DDX6: variants seen among roughly 807,000 people sequenced by gnomAD.
DDX6 encodes DEAD-box helicase 6.
A neutral mutation model predicts 60.6 loss-of-function variants in DDX6; 7 were observed. The observed-to-expected ratio is 0.12, with a 90% CI of 0.07 to 0.22. The LOEUF is 0.22. DDX6 is among the 10% of genes least tolerant of loss of function. The pLI is 1.00. For missense variants in DDX6, 270 were observed against 589.9 expected (o/e 0.46, Z 5.62); for synonymous variants, 207 against 201.0 (o/e 1.03, Z -0.25).
chr11:118,755,999 C>CA (rs1384178549), intron 11 of DDX6, among the ~76,000 whole-genome samples: 2 of 120,240 alleles, frequency 1.7e-5, no homozygotes, highest in Admixed American at 1.7e-4. Flanking sequence ...GCCTGGGTGA[C>CA]AAAGATTCCA....
Position 118,751,886 on chromosome 11 carries a change from C to T in DDX6, c.*219G>A. The T allele has an allele frequency of 2.3e-6, 1 of 439,584 alleles. No homozygotes were observed. The highest frequency in any genetic ancestry group is 1.6e-5 in the South Asian group (1 of 60,632). 27.2% of individuals were successfully genotyped at this position (439,584 alleles called of 1,614,324 possible). On this transcript the variant is annotated 3_prime_UTR_variant, in exon 14 of 14. Transcript: ENST00000534980. ...ACCAGCAGTTAGTGCAACTAATGTT[C>T]AGTCAGCACACAGTGCAAACAAGTG...
intron 7 of DDX6, among the ~76,000 whole-genome samples, chr11:118,760,366 AATCGT>A: frequency 6.6e-6 from 1 of 152,272 alleles, no homozygotes; most frequent in African/African-American, 2.4e-5. Context: ...GCAGTGGCAT[AATCGT>A]ATCTCACTGC....
chr11:118,769,567 G>A (rs887898729), intron 4 of DDX6, among the ~76,000 whole-genome samples: 1 of 152,156 alleles, frequency 6.6e-6, no homozygotes, highest in African/African-American at 2.4e-5. Context: ...AGAGAGGTCA[G>A]GAGTTCAAGA....
In DDX6 at chr11:118,779,740, G is replaced by A; in HGVS notation, c.265-4C>T. ...TTCCTTTTGTGGAGGTCACATCCTA[G>A]TCAAACAAAAAGGAACAATAAAAGA... On this transcript the variant is annotated splice_region_variant and splice_polypyrimidine_tract_variant and intron_variant, in intron 3 of 13. Coordinates refer to ENST00000534980, the MANE Select transcript of DDX6 (RefSeq NM_004397.6). 6.3e-7 allele frequency: 1 copy of A among 1,586,604 alleles called. No individual in the cohort carries two copies. Among genetic ancestry groups the A allele is most frequent in the Non-Finnish European group, 8.6e-7 (1 of 1,162,502 alleles).
intron 13 of DDX6, among the ~76,000 whole-genome samples, chr11:118,752,732 A>T (rs551084776): frequency 6.6e-6 from 1 of 152,276 alleles, no homozygotes; most frequent in East Asian, 1.9e-4. Flanking sequence ...TACTGAAACA[A>T]CCTACCTTGC....
At chr11:118,779,605 C>T (rs782308414) in intron 4 of DDX6, 27 bp downstream of exon 4, 3 of 1,435,302 alleles carry the variant, frequency 2.1e-6, no homozygotes, top group South Asian at 1.2e-5. Context: ...CATAACCTTA[C>T]ATATGTGATA....
chr11:118,786,927 A>C (rs1008229816), intron 1 of DDX6: 11 of 152,194 alleles, frequency 7.2e-5, no homozygotes, highest in African/African-American at 2.7e-4. Context: ...ACAATTCATT[A>C]ATTTTCTTCT....
At chr11:118,763,517 T>C (rs1295893399) in intron 6 of DDX6, among the ~76,000 whole-genome samples, 1 of 146,588 alleles carries the variant, frequency 6.8e-6, no homozygotes, top group Non-Finnish European at 1.5e-5. Flanking sequence ...CAACATTGTA[T>C]GCAGCACATG....
intron 4 of DDX6, 107 bp from the exon 5 acceptor site, chr11:118,768,459 C>T (rs1297428055): frequency 8.7e-7 from 1 of 1,151,828 alleles, no homozygotes; most frequent in Non-Finnish European, 1.2e-6. Context: ...TTTAAGTGTC[C>T]TAAGTATCCT....
chr11:118,778,122 G>C (rs1861767906), intron 4 of DDX6, among the ~76,000 whole-genome samples: 1 of 151,952 alleles, frequency 6.6e-6, no homozygotes, highest in Non-Finnish European at 1.5e-5. Context: ...CTTTATAGGG[G>C]CAAATACAGA....
At chr11:118,774,099 A>G (rs782614488) in intron 4 of DDX6, among the ~76,000 whole-genome samples, 3 of 152,092 alleles carry the variant, frequency 2.0e-5, no homozygotes, top group Non-Finnish European at 4.4e-5. Context: ...ATAATCAACT[A>G]CTTCTCATTT....
At position 118,757,118 on chromosome 11, in the gene DDX6, AT is replaced by A. The variant is rs1476371417; in HGVS notation, c.1110+52del. The A allele has an allele frequency of 4.8e-5, 47 of 971,402 alleles. No homozygotes were observed. In the African/African-American group the frequency reaches 7.7e-4, roughly 16 times the overall value. 60.2% of individuals were successfully genotyped at this position (971,402 alleles called of 1,614,324 possible). A position where few individuals can be genotyped will look rare whatever the true frequency, so the allele number is the denominator to read the frequency against. ...ACATTTAAAAGAACATTAAAACAAA[AT>A]AAAGAAAGAGATTTCTTATTAAATT... On this transcript the variant is annotated intron_variant, in intron 10 of 13. Coordinates refer to ENST00000534980, the MANE Select transcript of DDX6 (RefSeq NM_004397.6).
At chr11:118,790,330 C>G (rs906002837) in intron 1 of DDX6, 15 of 152,204 alleles carry the variant, frequency 9.9e-5, no homozygotes, top group African/African-American at 3.4e-4. Flanking sequence ...GCAATATGAG[C>G]CAGCAACCGC....
At position 118,747,915 on chromosome 11, in the gene DDX6, C is replaced by T. The variant is rs1259972092; in HGVS notation, c.*4190G>A. ...ACAAAAACAGAGCCCCCCCCCCCCC[C>T]ACTGGAACATCTGCCAATTAAGAGA... is the stretch of plus-strand genomic sequence containing the variant. On this transcript the variant is annotated 3_prime_UTR_variant, in exon 14 of 14. Coordinates refer to ENST00000534980, the MANE Select transcript of DDX6 (RefSeq NM_004397.6). 8.2e-6 allele frequency: 1 copy of T among 121,220 alleles called. No homozygotes were observed. Among genetic ancestry groups the T allele is most frequent in the Non-Finnish European group, 1.7e-5 (1 of 57,276 alleles). 7.5% of individuals were successfully genotyped at this position (121,220 alleles called of 1,614,324 possible). A position where few individuals can be genotyped will look rare whatever the true frequency, so the allele number is the denominator to read the frequency against.
intron 1 of DDX6, chr11:118,787,968 T>C (rs1290811038): frequency 1.3e-5 from 2 of 151,378 alleles, no homozygotes; most frequent in East Asian, 3.9e-4. Context: ...AAGAAAACTT[T>C]CCAAGAAATC....
intron 6 of DDX6, among the ~76,000 whole-genome samples, chr11:118,764,896 A>C (rs889192438): frequency 4.6e-5 from 7 of 151,996 alleles, no homozygotes; most frequent in Non-Finnish European, 1.0e-4. Flanking sequence ...ATAGAGATGT[A>C]AGTTTACACC....
rs1591876244 is a variant in DDX6 at position 118,751,101 on chromosome 11, A to AACTT, written c.*1000_*1003dup. On this transcript the variant is annotated 3_prime_UTR_variant, in exon 14 of 14. Transcript: ENST00000534980. ...TATATATATATGAACCCAGAAAAAA[A>AACTT]ACTTATTTACAAAGTTATACAAGTA... 1 of 11,550 alleles carries AACTT rather than the reference A, an allele frequency of 8.7e-5. No individual in the cohort carries two copies. Among genetic ancestry groups the AACTT allele is most frequent in the Non-Finnish European group, 1.6e-4 (1 of 6,266 alleles). 0.7% of individuals were successfully genotyped at this position (11,550 alleles called of 1,614,324 possible). A position where few individuals can be genotyped will look rare whatever the true frequency, so the allele number is the denominator to read the frequency against.
At chr11:118,768,431 T>C in intron 4 of DDX6, 79 bp from the exon 5 acceptor site, 2 of 1,480,996 alleles carry the variant, frequency 1.4e-6, no homozygotes, top group Non-Finnish European at 1.9e-6. Context: ...CACTGAAGGA[T>C]ACCTCTTTCG....
chr11:118,762,351 C>T (rs1028653797), intron 7 of DDX6, among the ~76,000 whole-genome samples: 25 of 128 alleles, frequency 0.2, no homozygotes, highest in Admixed American at 0.17. Context: ...ACATTAACAA[C>T]GCTGATCACT....
Sources: allele counts gnomAD v4.1 joint callset (sites outside exome capture counted in the v4.1 genomes callset), GRCh38; gene constraint gnomAD v4.1.1; transcripts MANE v1.5; gene names NCBI Gene and HGNC (gene_info 2026-07-23, HGNC 2026-07-21).